Variants in DCUN1D2 observed in about 807,000 individuals in gnomAD.
DCUN1D2 encodes the protein DCN1-like protein 2.
DCUN1D2 carries 29 observed loss-of-function variants against 30.9 expected under a neutral mutation model. The observed-to-expected ratio is 0.94, with a 90% confidence interval of 0.70 to 1.28. DCUN1D2 has a LOEUF of 1.28. DCUN1D2 is among the 50% of genes most tolerant of loss of function. The pLI is 0.00. For synonymous variants in DCUN1D2, 121 were observed against 115.3 expected (o/e 1.05, Z -0.32); for missense variants, 325 against 316.9 (o/e 1.03, Z -0.19).
chr13:113,465,872 G>GATGT (rs2044394691), intron 4 of DCUN1D2, among the ~76,000 whole-genome samples: 2 of 151,174 alleles, frequency 1.3e-5, no homozygotes, highest in Non-Finnish European at 2.9e-5. Context: ...TATATAGACA[G>GATGT]ATATATATAG....
chr13:113,486,384 ACCGGCTACTGTG>A (rs2044804398), intron 1 of DCUN1D2, among the ~76,000 whole-genome samples: 1 of 152,160 alleles, frequency 6.6e-6, no homozygotes, highest in East Asian at 1.9e-4. Context: ...AAAACTACCC[ACCGGCTACTGTG>A]CTTAGTACCT....
At chr13:113,472,905 G>A (rs567056612) in intron 4 of DCUN1D2, among the ~76,000 whole-genome samples, 2 of 152,148 alleles carry the variant, frequency 1.3e-5, no homozygotes, top group African/African-American at 4.8e-5. Context: ...ACGCGTCTCA[G>A]CACCTGTTCT....
chr13:113,471,378 GGGACCCAACTCCACAGA>G (rs1429092478), intron 4 of DCUN1D2, among the ~76,000 whole-genome samples: 1 of 149,170 alleles, frequency 6.7e-6, no homozygotes, highest in African/African-American at 2.5e-5. Flanking sequence ...AACTCCACAG[GGGACCCAACTCCACAGA>G]GGACCTAACT....
intron 4 of DCUN1D2, among the ~76,000 whole-genome samples, chr13:113,467,206 G>A (rs1192591797): frequency 6.6e-6 from 1 of 152,172 alleles, no homozygotes; most frequent in Admixed American, 6.5e-5. Context: ...TAGACCACAA[G>A]TAATATTGCT....
rs759809231 is a variant in DCUN1D2 at position 113,480,359 on chromosome 13, GA to G, written c.389+215del. ...AATGAGTTACAAAAGGGATTAATAT[GA>G]AAAAAATAAAAATGTGAAATGAAAT... On this transcript the variant is annotated intron_variant, in intron 3 of 6. Coordinates refer to ENST00000478244, the MANE Select transcript of DCUN1D2 (RefSeq NM_001014283.2). 5.7e-4 allele frequency: 245 copies of G among 433,188 alleles called. 3 individuals are homozygous for G. The highest frequency in any genetic ancestry group is 8.6e-4 in the Admixed American group (21 of 24,442). 26.8% of individuals were successfully genotyped at this position (433,188 alleles called of 1,614,324 possible). A position where few individuals can be genotyped will look rare whatever the true frequency, so the allele number is the denominator to read the frequency against.
intron 4 of DCUN1D2, chr13:113,469,049 T>G (rs2044458247): frequency 6.6e-6 from 1 of 151,220 alleles, no homozygotes; most frequent in South Asian, 2.1e-4. Flanking sequence ...AAAGGGACAA[T>G]GGAGATGGAA....
At chr13:113,486,458 A>G (rs1003885146) in intron 1 of DCUN1D2, among the ~76,000 whole-genome samples, 14 of 152,212 alleles carry the variant, frequency 9.2e-5, no homozygotes, top group Non-Finnish European at 1.8e-4. Context: ...GTTGACCTTT[A>G]TAACAAACCT....
chr13:113,487,065 A>T (rs1390088814), intron 1 of DCUN1D2, among the ~76,000 whole-genome samples: 1 of 152,234 alleles, frequency 6.6e-6, no homozygotes, highest in East Asian at 1.9e-4. Context: ...TAAACAAAAA[A>T]TTCAAGGTTG....
In DCUN1D2 at chr13:113,458,837, C is replaced by T. The variant is rs546290477; in HGVS notation, c.700+475G>A. Among the ~76,000 whole-genome samples the T allele has an allele frequency of 2.4e-4, 36 of 152,342 alleles. No individual in the cohort carries two copies. In the East Asian group the frequency reaches 6.4e-3, roughly 27 times the overall value. ...GAGGCCTTCCACCCAGAGACCATCC[C>T]TCTCTAAGGTGGCAGCGTGCCCAGC... On this transcript the variant is annotated intron_variant, in intron 6 of 6. Coordinates refer to ENST00000478244, the MANE Select transcript of DCUN1D2 (RefSeq NM_001014283.2).
Position 113,490,545 on chromosome 13 carries a change from G to T in DCUN1D2, c.3+122C>A, listed in dbSNP as rs1468249405. The T allele has an allele frequency of 9.7e-7, 1 of 1,036,000 alleles. No individual in the cohort carries two copies. Among genetic ancestry groups the T allele is most frequent in the South Asian group, 3.0e-5 (1 of 33,156 alleles). 64.2% of individuals were successfully genotyped at this position (1,036,000 alleles called of 1,614,324 possible). A position where few individuals can be genotyped will look rare whatever the true frequency, so the allele number is the denominator to read the frequency against. ...CGGCGCGTTCCTCCCTCGGATCCAC[G>T]CGGAACGCCCCGCGCAGCTCGCTGG... On this transcript the variant is annotated intron_variant, in intron 1 of 6. Coordinates refer to ENST00000478244, the MANE Select transcript of DCUN1D2 (RefSeq NM_001014283.2). The surrounding 1 kb of genome is among the most constrained non-coding windows in gnomAD (Gnocchi z 5.2).
intron 6 of DCUN1D2, among the ~76,000 whole-genome samples, chr13:113,458,328 G>A (rs373286268): frequency 6.6e-6 from 1 of 152,212 alleles, no homozygotes; most frequent in Non-Finnish European, 1.5e-5. Flanking sequence ...GCATGTCTAG[G>A]GGGCTGTGGG....
intron 4 of DCUN1D2, among the ~76,000 whole-genome samples, chr13:113,463,714 C>T (rs2044355490): frequency 6.6e-6 from 1 of 152,034 alleles, no homozygotes; most frequent in Admixed American, 6.6e-5. Context: ...ACAGTACAAT[C>T]TTCACACACA....
At chr13:113,467,029 C>G (rs1043456304) in intron 4 of DCUN1D2, among the ~76,000 whole-genome samples, 8 of 151,940 alleles carry the variant, frequency 5.3e-5, no homozygotes, top group African/African-American at 1.9e-4. Context: ...AGGGTGGTCT[C>G]GATCTCCTGA....
chr13:113,474,058 G>T (rs2044569052), intron 4 of DCUN1D2, 66 bp downstream of exon 4: 22 of 1,561,482 alleles, frequency 1.4e-5, no homozygotes, highest in Non-Finnish European at 1.8e-5. Flanking sequence ...CAAAAATCAT[G>T]TTGCTCACGT....
rs764878500 is a variant in DCUN1D2, at chr13:113,474,194, G to A, written c.450C>T (p.Asp150=). Residue 150 remains aspartate (D), a synonymous_variant, in exon 4 of 7, where the codon GAC becomes GAT. Coordinates refer to ENST00000478244, the MANE Select transcript of DCUN1D2 (RefSeq NM_001014283.2). ...GATAAAAATCTTTAAACTTGGCTGT[G>A]TCCTTCAGCTCCTGCTCCAGTCTTG... ...LLPRLEQELK[D]TAKFKDFYQF... is the part of the protein sequence containing the mutation. The A allele has an allele frequency of 3.1e-6, 5 of 1,614,160 alleles. No individual in the cohort carries two copies. The highest frequency in any genetic ancestry group is 4.2e-6 in the Non-Finnish European group (5 of 1,180,008).
intron 1 of DCUN1D2, among the ~76,000 whole-genome samples, chr13:113,489,446 G>C (rs751941127): frequency 6.6e-6 from 1 of 152,176 alleles, no homozygotes; most frequent in African/African-American, 2.4e-5. Context: ...GATCTTTTCA[G>C]CTGCTCTTTT....
At chr13:113,459,577 A>G (rs2044285309) in intron 5 of DCUN1D2, 169 bp from the exon 6 acceptor site, 1 of 469,358 alleles carries the variant, frequency 2.1e-6, no homozygotes, top group East Asian at 3.2e-5. Flanking sequence ...TAAGTGCTAC[A>G]ACAACGCTAA....
intron 6 of DCUN1D2, 121 bp downstream of exon 6, chr13:113,459,191 A>C: frequency 1.6e-6 from 1 of 613,376 alleles, no homozygotes; most frequent in Admixed American, 2.7e-5. Context: ...ATAATAAGGA[A>C]GGGGGTAGTA....
chr13:113,471,002 AGG>A (rs2044500866), intron 4 of DCUN1D2, among the ~76,000 whole-genome samples: 2 of 149,900 alleles, frequency 1.3e-5, no homozygotes, highest in African/African-American at 4.9e-5. Flanking sequence ...CCAACTCCAC[AGG>A]GGACCCAACT....
Sources: gnomAD v4.1 joint callset for allele counts (sites outside exome capture counted in the v4.1 genomes callset) on GRCh38, gnomAD v4.1.1 for gene constraint, Gnocchi (gnomAD v3.1) non-coding constraint, MANE v1.5 for transcripts, NCBI Gene and HGNC (gene_info 2026-07-23, HGNC 2026-07-21) for gene names.